The following VPS41 variants were observed in gnomAD, a reference collection of about 807,000 sequenced individuals.
VPS41 encodes the protein VPS41 subunit of HOPS complex.
In VPS41, 85 loss-of-function variants were observed where a neutral mutation model predicts 130.9. That is an observed-to-expected ratio of 0.65 (90% CI 0.55 to 0.78). VPS41 has a LOEUF of 0.78. Among genes scored for constraint, VPS41 ranks in the 30% least tolerant of loss-of-function variants. The pLI, the probability that VPS41 is intolerant of heterozygous loss-of-function variation, is 0.00. For missense variants in VPS41, 874 were observed against 1,018.7 expected (o/e 0.86, Z 1.93); for synonymous variants, 335 against 332.9 (o/e 1.01, Z -0.07).
intron 7 of VPS41, among the ~76,000 whole-genome samples, chr7:38,808,660 G>A (rs1784882689): frequency 6.6e-6 from 1 of 152,204 alleles, no homozygotes; most frequent in Non-Finnish European, 1.5e-5. Flanking sequence ...GTGGGAAGAA[G>A]TTTCAGGTAG....
chr7:38,891,358 C>G (rs1017915799), intron 2 of VPS41, among the ~76,000 whole-genome samples: 1 of 152,110 alleles, frequency 6.6e-6, no homozygotes, highest in Non-Finnish European at 1.5e-5. Flanking sequence ...AAGCACATGT[C>G]CCAGTGATAA....
chr7:38,829,398 A>C (rs1038858015), intron 5 of VPS41, among the ~76,000 whole-genome samples: 3 of 152,230 alleles, frequency 2.0e-5, no homozygotes, highest in African/African-American at 7.2e-5. Context: ...AGGGCACATA[A>C]TAAATACAAA....
At chr7:38,796,712 C>T in intron 8 of VPS41, 33 bp downstream of exon 8, 1 of 1,612,904 alleles carries the variant, frequency 6.2e-7, no homozygotes, top group African/African-American at 1.3e-5. Flanking sequence ...TGCCACTGAA[C>T]AAGCATTAGG....
intron 7 of VPS41, among the ~76,000 whole-genome samples, chr7:38,811,249 A>G (rs1190131547): frequency 6.6e-6 from 1 of 152,148 alleles, no homozygotes; most frequent in Non-Finnish European, 1.5e-5. Context: ...AATCTTTACA[A>G]GTACATACCA....
At chr7:38,868,997 G>T in intron 3 of VPS41, 149 bp downstream of exon 3, 4 of 577,056 alleles carry the variant, frequency 6.9e-6, no homozygotes, top group Non-Finnish European at 9.2e-6. Context: ...AAATATTTGG[G>T]GTTTTTTGTT....
intron 22 of VPS41, among the ~76,000 whole-genome samples, chr7:38,750,801 G>A (rs1383688187): frequency 6.6e-6 from 1 of 151,740 alleles, no homozygotes; most frequent in Non-Finnish European, 1.5e-5. Context: ...TAGGGAATGG[G>A]AAGGGCTGTT....
intron 4 of VPS41, chr7:38,831,408 G>GT (rs1785385083): frequency 2.8e-6 from 1 of 361,436 alleles, no homozygotes; most frequent in Admixed American, 3.7e-5. Flanking sequence ...ACGACTACAT[G>GT]TGACTAGTAC....
intron 7 of VPS41, among the ~76,000 whole-genome samples, chr7:38,800,005 T>C (rs936525737): frequency 7.2e-5 from 11 of 152,018 alleles, no homozygotes; most frequent in African/African-American, 2.7e-4. Flanking sequence ...TTCTGGAGGA[T>C]CATTTGGCAT....
chr7:38,766,002 C>T (rs892483198), intron 15 of VPS41, among the ~76,000 whole-genome samples: 22 of 152,318 alleles, frequency 1.4e-4, no homozygotes, highest in African/African-American at 5.3e-4. Context: ...GGAGACCTTT[C>T]TTGCCTTGAA....
At chr7:38,763,806 T>C (rs976012782) in intron 16 of VPS41, among the ~76,000 whole-genome samples, 1 of 152,194 alleles carries the variant, frequency 6.6e-6, no homozygotes, top group Non-Finnish European at 1.5e-5. Context: ...TTCTTCCTGA[T>C]GAGTTAATAG....
At chr7:38,815,855 G>A (rs920720580) in intron 7 of VPS41, among the ~76,000 whole-genome samples, 7 of 152,070 alleles carry the variant, frequency 4.6e-5, no homozygotes, top group Admixed American at 2.6e-4. Context: ...TTGCTCCTCC[G>A]CTTGCAGAGA....
At chr7:38,863,742 C>A (rs1786169354) in intron 3 of VPS41, among the ~76,000 whole-genome samples, 1 of 152,144 alleles carries the variant, frequency 6.6e-6, no homozygotes, top group East Asian at 1.9e-4. Flanking sequence ...ATCAGGTGTG[C>A]AGACATAACT....
chr7:38,854,460 G>C (rs1397792356), intron 4 of VPS41, among the ~76,000 whole-genome samples: 1 of 152,084 alleles, frequency 6.6e-6, no homozygotes, highest in Non-Finnish European at 1.5e-5. Context: ...ACATCACACT[G>C]GCCACATTAT....
intron 5 of VPS41, among the ~76,000 whole-genome samples, chr7:38,830,018 C>T (rs1012010200): frequency 6.6e-6 from 1 of 152,218 alleles, no homozygotes; most frequent in African/African-American, 2.4e-5. Flanking sequence ...CACCCTGCCA[C>T]AGCTGTTAAT....
At chr7:38,848,600 T>A (rs1255732984) in intron 4 of VPS41, among the ~76,000 whole-genome samples, 3 of 152,232 alleles carry the variant, frequency 2.0e-5, no homozygotes, top group Non-Finnish European at 4.4e-5. Flanking sequence ...TTACATATTT[T>A]ACATGTATTC....
chr7:38,874,761 C>G (rs1786451862), intron 2 of VPS41, among the ~76,000 whole-genome samples: 2 of 152,078 alleles, frequency 1.3e-5, no homozygotes, highest in Admixed American at 6.6e-5. Context: ...ATAACCAACC[C>G]TGGGGATGAA....
At chr7:38,877,222 T>C (rs1199069919) in intron 2 of VPS41, among the ~76,000 whole-genome samples, 1 of 152,194 alleles carries the variant, frequency 6.6e-6, no homozygotes, top group African/African-American at 2.4e-5. Context: ...GCAGCTTTTC[T>C]AAGACATTCT....
At chr7:38,778,396 G>A (rs1032038959) in intron 10 of VPS41, among the ~76,000 whole-genome samples, 3 of 152,234 alleles carry the variant, frequency 2.0e-5, no homozygotes, top group Non-Finnish European at 4.4e-5. Flanking sequence ...TCACAGTGCT[G>A]TGCATGCACG....
At chr7:38,854,975 C>G (rs1007919125) in intron 4 of VPS41, among the ~76,000 whole-genome samples, 1 of 151,602 alleles carries the variant, frequency 6.6e-6, no homozygotes, top group Non-Finnish European at 1.5e-5. Flanking sequence ...CTTTGGCAGG[C>G]CGAGGTGGGC....
Sources: allele counts gnomAD v4.1 joint callset (sites outside exome capture counted in the v4.1 genomes callset), GRCh38; gene constraint gnomAD v4.1.1; transcripts MANE v1.5; gene names NCBI Gene and HGNC (gene_info 2026-07-23, HGNC 2026-07-21).